The following PALM2AKAP2 variants were observed in gnomAD, a reference collection of about 807,000 sequenced individuals.
PALM2AKAP2 encodes the protein PALM2 and AKAP2 fusion.
A neutral mutation model predicts 71.5 loss-of-function variants in PALM2AKAP2; 37 were observed. That is an observed-to-expected ratio of 0.52 (90% CI 0.40 to 0.68). PALM2AKAP2 has a LOEUF of 0.68. Among genes scored for constraint, PALM2AKAP2 ranks in the 30% least tolerant of loss-of-function variants. PALM2AKAP2 has a pLI of 0.00. For synonymous variants in PALM2AKAP2, 468 were observed against 478.8 expected (o/e 0.98, Z 0.29); for missense variants, 1,224 against 1,191.8 (o/e 1.03, Z -0.40).
intron 3 of PALM2AKAP2, among the ~76,000 whole-genome samples, chr9:110,165,284 T>TCACACA (rs58758256): frequency 0.01 from 1,433 of 142,336 alleles, 15 homozygotes; most frequent in African/African-American, 0.028. Flanking sequence ...TGCTAGAGAT[T>TCACACA]CACACACACA....
At position 109,844,988 on chromosome 9, in the gene PALM2AKAP2, C is replaced by T. The variant is rs76592117; in HGVS notation, c.46-22503C>T. ...GTGCACACACGCATGCACGCACACA[C>T]GCTCTGGTAGGGGGGTTTCAGGAAG... On this transcript the variant is annotated intron_variant, in intron 1 of 9. Transcript: ENST00000302798. Among the ~76,000 whole-genome samples, 563 of 152,092 alleles carry T rather than the reference C, an allele frequency of 3.7e-3. 4 individuals carry two copies. Among genetic ancestry groups the T allele is most frequent in the Non-Finnish European group, 6.1e-3 (418 of 67,998 alleles).
chr9:110,011,006 A>ATATATATAT (rs1454209302), intron 6 of PALM2AKAP2, among the ~76,000 whole-genome samples: 29 of 94,164 alleles, frequency 3.1e-4, no homozygotes, highest in African/African-American at 1.9e-3. Flanking sequence ...CAAAAAAAAA[A>ATATATATAT]AAAAAAAAAT....
chr9:109,950,775 T>A (rs1172127483), intron 6 of PALM2AKAP2, among the ~76,000 whole-genome samples: 2 of 149,768 alleles, frequency 1.3e-5, no homozygotes, highest in Admixed American at 6.7e-5. Context: ...CTGTGAACAC[T>A]GCTGTCATGG....
intron 1 of PALM2AKAP2, among the ~76,000 whole-genome samples, chr9:109,794,725 T>G (rs563616148): frequency 2.1e-4 from 32 of 152,330 alleles, no homozygotes; most frequent in Non-Finnish European, 3.7e-4. Flanking sequence ...CATTTCTTAC[T>G]CAAAAACACC....
intron 1 of PALM2AKAP2, among the ~76,000 whole-genome samples, chr9:109,756,509 CT>C (rs1194610476): frequency 6.6e-6 from 1 of 152,114 alleles, no homozygotes; most frequent in African/African-American, 2.4e-5. Flanking sequence ...TGTTCATTGG[CT>C]TTTGGCCAAT....
intron 3 of PALM2AKAP2, among the ~76,000 whole-genome samples, chr9:109,899,915 A>C (rs1334160575): frequency 6.6e-6 from 1 of 152,220 alleles, no homozygotes; most frequent in African/African-American, 2.4e-5. Context: ...GTCATAGTAC[A>C]TTGGAAGCTG....
chr9:109,691,718 T>C (rs887334074), intron 1 of PALM2AKAP2, among the ~76,000 whole-genome samples: 9 of 150,538 alleles, frequency 6.0e-5, no homozygotes, highest in African/African-American at 1.7e-4. Context: ...TCTCATATTA[T>C]GGTAAGCCTG....
intron 1 of PALM2AKAP2, among the ~76,000 whole-genome samples, chr9:109,783,109 T>C (rs1826863140): frequency 6.6e-6 from 1 of 152,176 alleles, no homozygotes. Context: ...GGGCAGTCTT[T>C]AGTCTGGGTC....
intron 1 of PALM2AKAP2, among the ~76,000 whole-genome samples, chr9:109,838,441 G>A (rs914881009): frequency 2.6e-5 from 4 of 152,222 alleles, no homozygotes; most frequent in African/African-American, 4.8e-5. Flanking sequence ...ATCTCAAATT[G>A]ACACCCTAAC....
rs185858953 is a variant in PALM2AKAP2, at chr9:109,883,556, C to A, written c.257+2875C>A. Among the ~76,000 whole-genome samples, 280 of 152,328 alleles carry A rather than the reference C, an allele frequency of 1.8e-3. 3 individuals are homozygous for A. Among genetic ancestry groups the A allele is most frequent in the African/African-American group, 6.4e-3 (267 of 41,572 alleles). On this transcript the variant is annotated intron_variant, in intron 3 of 9. Transcript: ENST00000302798. ...TCAGCTTCTGCTTCTCTTCATCTTG[C>A]TGGCATCTTCTCTACCACAATGGTT... is the stretch of plus-strand genomic sequence containing the variant.
exon 4 of PALM2AKAP2, chr9:110,171,452 G>A (rs1310115950): frequency 3.9e-5 from 6 of 152,084 alleles, no homozygotes; most frequent in Non-Finnish European, 8.8e-5. Context: ...CTATCTTCTT[G>A]CTCCACTCAC....
chr9:109,720,749 T>C (rs1376798445), intron 1 of PALM2AKAP2, among the ~76,000 whole-genome samples: 2 of 152,250 alleles, frequency 1.3e-5, no homozygotes, highest in Non-Finnish European at 2.9e-5. Context: ...TGTAAGGATA[T>C]ACACAAATGC....
chr9:110,067,268 C>G (rs1834101202), intron 1 of PALM2AKAP2, among the ~76,000 whole-genome samples: 1 of 152,120 alleles, frequency 6.6e-6, no homozygotes, highest in African/African-American at 2.4e-5. Context: ...TATTGAAATA[C>G]TCTCATTTTT....
At chr9:109,879,297 T>C (rs1189582833) in intron 2 of PALM2AKAP2, among the ~76,000 whole-genome samples, 2 of 152,210 alleles carry the variant, frequency 1.3e-5, no homozygotes, top group African/African-American at 4.8e-5. Context: ...CTTTATTCTG[T>C]GTTAGGTGGC....
At chr9:110,006,270 T>G (rs987869255) in intron 6 of PALM2AKAP2, among the ~76,000 whole-genome samples, 4 of 151,094 alleles carry the variant, frequency 2.6e-5, no homozygotes, top group African/African-American at 9.7e-5. Context: ...CCTTCCATTT[T>G]CTCTCTCTCT....
intron 7 of PALM2AKAP2, among the ~76,000 whole-genome samples, chr9:110,032,066 A>T (rs899236539): frequency 1.3e-5 from 2 of 151,492 alleles, no homozygotes; most frequent in African/African-American, 4.8e-5. Context: ...CGGGGAAAAA[A>T]AAAAAAAAAA....
At chr9:110,104,612 G>C (rs749737204) in intron 1 of PALM2AKAP2, among the ~76,000 whole-genome samples, 9 of 152,146 alleles carry the variant, frequency 5.9e-5, no homozygotes, top group Non-Finnish European at 1.2e-4. Flanking sequence ...CCAAGCTTAG[G>C]AATTCCAAGA....
At chr9:109,671,794 T>G (rs1366674600) in intron 1 of PALM2AKAP2, among the ~76,000 whole-genome samples, 1 of 152,148 alleles carries the variant, frequency 6.6e-6, no homozygotes, top group Non-Finnish European at 1.5e-5. Context: ...TAGTTCTCCT[T>G]GTAGAGATTT....
chr9:109,847,127 AG>A (rs1378704219), intron 1 of PALM2AKAP2, among the ~76,000 whole-genome samples: 1 of 146,158 alleles, frequency 6.8e-6, no homozygotes, highest in Non-Finnish European at 1.5e-5. Flanking sequence ...TATTTGGAAG[AG>A]GGGTTTTTTT....
Sources: allele counts gnomAD v4.1 joint callset (sites outside exome capture counted in the v4.1 genomes callset), GRCh38; gene constraint gnomAD v4.1.1; transcripts MANE v1.5; gene names NCBI Gene and HGNC (gene_info 2026-07-23, HGNC 2026-07-21).